The following ABHD17C variants were observed in gnomAD, a reference collection of about 807,000 sequenced individuals.
ABHD17C encodes the protein alpha/beta hydrolase domain-containing protein 17C.
ABHD17C carries 11 observed loss-of-function variants against 27.9 expected under a neutral mutation model. The observed-to-expected ratio is 0.39, with a 90% CI of 0.25 to 0.65. The LOEUF (loss-of-function observed/expected upper bound fraction) is 0.65. Among genes scored for constraint, ABHD17C ranks in the 30% least tolerant of loss-of-function variants. The pLI, the probability that ABHD17C is intolerant of heterozygous loss-of-function variation, is 0.45. For missense variants in ABHD17C, 280 were observed against 470.2 expected, an observed-to-expected ratio of 0.60 and a Z score of 3.74; for synonymous variants, 233 against 209.1, an observed-to-expected ratio of 1.11 and a Z score of -0.98.
intron 1 of ABHD17C, among the ~76,000 whole-genome samples, chr15:80,723,032 G>T (rs943436049): frequency 1.3e-5 from 2 of 152,154 alleles, no homozygotes; most frequent in African/African-American, 4.8e-5. Context: ...CTTAGGTTCT[G>T]CGGGGCTGAC....
chr15:80,736,795 C>T (rs907904093), intron 1 of ABHD17C, among the ~76,000 whole-genome samples: 1 of 152,192 alleles, frequency 6.6e-6, no homozygotes, highest in African/African-American at 2.4e-5. Flanking sequence ...TTAACTTAAA[C>T]AGGATGCAGT....
At chr15:80,709,353 G>A (rs760093273) in intron 1 of ABHD17C, among the ~76,000 whole-genome samples, 3 of 151,700 alleles carry the variant, frequency 2.0e-5, no homozygotes, top group East Asian at 1.9e-4. Context: ...GCCAGGTGTC[G>A]TAGTGCACAC....
chr15:80,738,884 T>G (rs1038976950), intron 1 of ABHD17C, among the ~76,000 whole-genome samples: 8 of 152,212 alleles, frequency 5.3e-5, no homozygotes, highest in African/African-American at 1.9e-4. Context: ...AACAAATATT[T>G]ATCATATAAC....
chr15:80,727,154 A>T (rs961400180), intron 1 of ABHD17C, among the ~76,000 whole-genome samples: 1 of 152,202 alleles, frequency 6.6e-6, no homozygotes, highest in African/African-American at 2.4e-5. Context: ...AGGAGACCTG[A>T]CCTTGATGTC....
chr15:80,754,996 TTA>T lies in ABHD17C; in HGVS notation c.*628_*629del, dbSNP rs1895415008. On this transcript the variant is annotated 3_prime_UTR_variant, in exon 3 of 3. Transcript: ENST00000258884. ...ACTAGGGGTTTTTTTAAGTGTAAATTTATTACTAGCCAACAGAGTTTTACTAT... is the reference window on the plus strand; with the variant it reads ...ACTAGGGGTTTTTTTAAGTGTAAATTTTACTAGCCAACAGAGTTTTACTAT... 6.6e-6 allele frequency: 1 copy of T among 152,204 alleles called. No homozygotes were observed. The highest frequency in any genetic ancestry group is 2.4e-5 in the African/African-American group (1 of 41,452). The allele number at this position is 152,204 out of a possible 1,614,324, so 9.4% of individuals were successfully genotyped here.
chr15:80,704,314 A>C (rs1318044804), intron 1 of ABHD17C, among the ~76,000 whole-genome samples: 1 of 151,770 alleles, frequency 6.6e-6, no homozygotes, highest in Non-Finnish European at 1.5e-5. Flanking sequence ...TGCTCTTTCT[A>C]CACTCAAGCC....
chr15:80,725,692 T>C (rs73500834), intron 1 of ABHD17C, among the ~76,000 whole-genome samples: 1,722 of 152,276 alleles, frequency 0.011, 32 homozygotes, highest in African/African-American at 0.039. Context: ...TTTATTTATT[T>C]ATTTTTATAG....
At chr15:80,741,205 T>C (rs1895204544) in intron 1 of ABHD17C, among the ~76,000 whole-genome samples, 1 of 152,102 alleles carries the variant, frequency 6.6e-6, no homozygotes, top group East Asian at 1.9e-4. Flanking sequence ...TGCATTCATC[T>C]TTCTGTCCTC....
chr15:80,738,335 C>A (rs767139095), intron 1 of ABHD17C, among the ~76,000 whole-genome samples: 23 of 152,118 alleles, frequency 1.5e-4, no homozygotes, highest in Non-Finnish European at 2.8e-4. Flanking sequence ...TTTGGGCAGC[C>A]AAGGTCCCTG....
chr15:80,698,497 T>C (rs1184701079), intron 1 of ABHD17C, among the ~76,000 whole-genome samples: 1 of 152,218 alleles, frequency 6.6e-6, no homozygotes, highest in Non-Finnish European at 1.5e-5. Context: ...AAATCAGCAG[T>C]AGGTCTCTTG....
chr15:80,695,891 C>T lies in ABHD17C; in HGVS notation c.462C>T (p.Gly154=). Reference sequence around the variant, plus strand: ...GCCAGATGTGCAGCTTCTACATTGGCCTCGGCTCCCGCATCAACTGCAACA... The same window carrying T: ...GCCAGATGTGCAGCTTCTACATTGGTCTCGGCTCCCGCATCAACTGCAACA... ...DLGQMCSFYI[G]LGSRINCNIF... Residue 154 remains glycine (G), a synonymous_variant, in exon 1 of 3, where the codon GGC becomes GGT. Coordinates refer to ENST00000258884, the MANE Select transcript of ABHD17C (RefSeq NM_021214.2). This position sits in a 1 kb window ranked among gnomAD's most constrained non-coding sequence, Gnocchi z 4.3. The T allele has an allele frequency of 6.3e-7, 1 of 1,597,256 alleles. No individual in the cohort carries two copies. The highest frequency in any genetic ancestry group is 8.5e-7 in the Non-Finnish European group (1 of 1,179,244).
intron 1 of ABHD17C, among the ~76,000 whole-genome samples, chr15:80,701,614 G>A (rs1376150812): frequency 6.6e-6 from 1 of 151,514 alleles, no homozygotes; most frequent in Non-Finnish European, 1.5e-5. Context: ...GGGAGGCAGA[G>A]GTTGCAGTGA....
intron 1 of ABHD17C, among the ~76,000 whole-genome samples, chr15:80,723,136 ATATGTG>A (rs139678195): frequency 0.28 from 25,639 of 92,434 alleles, 2,795 homozygotes; most frequent in African/African-American, 0.37. Flanking sequence ...GTGTGTGTAT[ATATGTG>A]TGTGTGTGTG....
At chr15:80,748,407 A>G (rs1218839932) in intron 1 of ABHD17C, among the ~76,000 whole-genome samples, 1 of 152,166 alleles carries the variant, frequency 6.6e-6, no homozygotes, top group Non-Finnish European at 1.5e-5. Context: ...ACAGCGTTCC[A>G]CTTTTCCATG....
In ABHD17C at chr15:80,754,505, G is replaced by A. The variant is rs547028636; in HGVS notation, c.*135G>A. The A allele has an allele frequency of 1.7e-5, 12 of 705,400 alleles. No homozygotes were observed. The East Asian group carries it at 3.3e-4, about 19-fold the overall frequency. 43.7% of individuals were successfully genotyped at this position (705,400 alleles called of 1,614,324 possible). On this transcript the variant is annotated 3_prime_UTR_variant, in exon 3 of 3. Transcript: ENST00000258884. ...ACCTTTAGGGTGTTCTAATCAAAGA[G>A]CTGATGAAATCTCAGTCTTTTGTAT...
intron 1 of ABHD17C, among the ~76,000 whole-genome samples, chr15:80,744,662 G>T (rs1895258605): frequency 6.6e-6 from 1 of 152,192 alleles, no homozygotes; most frequent in African/African-American, 2.4e-5. Flanking sequence ...AAAAGGACTA[G>T]CGATACTGCT....
At chr15:80,752,483 A>G (rs573998297) in intron 2 of ABHD17C, among the ~76,000 whole-genome samples, 42 of 152,338 alleles carry the variant, frequency 2.8e-4, no homozygotes, top group Middle Eastern at 3.4e-3. Context: ...CTGTTATTTA[A>G]TAATCTCTCT....
rs71455352 is a variant in ABHD17C at position 80,731,658 on chromosome 15, C to CT, written c.591-17843dup. Among the ~76,000 whole-genome samples the CT allele has an allele frequency of 5.6e-3, 816 of 146,950 alleles. 2 individuals are homozygous for CT. Among genetic ancestry groups the CT allele is most frequent in the African/African-American group, 0.013 (530 of 39,838 alleles). Reference sequence around the variant, plus strand: ...TTAGTGACACGTATATTTTTATAATCTTTTTTTTTTTTGCAAATTGTTAAT... The same window carrying CT: ...TTAGTGACACGTATATTTTTATAATCTTTTTTTTTTTTTGCAAATTGTTAAT... On this transcript the variant is annotated intron_variant, in intron 1 of 2. Transcript: ENST00000258884.
chr15:80,725,062 G>C lies in ABHD17C; in HGVS notation c.591-24451G>C, dbSNP rs145877027. ...CCAGAGTCAAACAAAGAATTGCAGG[G>C]AAGAGGCACGAAGACACCAGGGCAG... On this transcript the variant is annotated intron_variant, in intron 1 of 2. Coordinates refer to ENST00000258884, the MANE Select transcript of ABHD17C (RefSeq NM_021214.2). 3.0e-3 allele frequency among the ~76,000 whole-genome samples: 456 copies of C among 152,318 alleles called. 2 individuals are homozygous for C. Among genetic ancestry groups the C allele is most frequent in the African/African-American group, 9.3e-3 (388 of 41,562 alleles).
Sources: allele counts gnomAD v4.1 joint callset (sites outside exome capture counted in the v4.1 genomes callset), GRCh38; gene constraint gnomAD v4.1.1; non-coding constraint Gnocchi (gnomAD v3.1); transcripts MANE v1.5; gene names NCBI Gene and HGNC (gene_info 2026-07-23, HGNC 2026-07-21).